The following ANXA3 variants were observed in gnomAD, a reference collection of about 807,000 sequenced individuals.
ANXA3 encodes the protein 35-alpha calcimedin.
Under a neutral mutation model 48.8 loss-of-function variants are expected in ANXA3, and 46 were observed. That is an observed-to-expected ratio of 0.94 (90% CI 0.74 to 1.21). The LOEUF is 1.21. ANXA3 is among the 50% of genes most tolerant of loss of function. The pLI, the probability that ANXA3 is intolerant of heterozygous loss-of-function variation, is 0.00. For missense variants in ANXA3, 383 were observed against 378.6 expected (o/e 1.01, Z -0.10); for synonymous variants, 128 against 134.7 (o/e 0.95, Z 0.35).
chr4:78,582,132 GAAAA>G, intron 4 of ANXA3, 41 bp from the exon 5 acceptor site: 2 of 1,350,070 alleles, frequency 1.5e-6, no homozygotes, highest in East Asian at 2.3e-5. Flanking sequence ...TAGAGAAAGA[GAAAA>G]AAAGTATTTC....
chr4:78,589,760 T>C (rs993295623), intron 6 of ANXA3, among the ~76,000 whole-genome samples: 1 of 152,212 alleles, frequency 6.6e-6, no homozygotes, highest in African/African-American at 2.4e-5. Flanking sequence ...TACAATGGGT[T>C]CAGGAAGTCA....
chr4:78,588,592 G>A (rs1340189089), intron 6 of ANXA3, among the ~76,000 whole-genome samples: 1 of 152,172 alleles, frequency 6.6e-6, no homozygotes, highest in Admixed American at 6.5e-5. Flanking sequence ...GAGGCTTAAG[G>A]AGCAGGAGTT....
At chr4:78,565,310 C>A (rs1179652643) in intron 2 of ANXA3, among the ~76,000 whole-genome samples, 3 of 152,118 alleles carry the variant, frequency 2.0e-5, no homozygotes, top group African/African-American at 7.2e-5. Context: ...GATCCCTTGG[C>A]TGCTATGTGG....
intron 4 of ANXA3, 37 bp downstream of exon 4, chr4:78,579,158 C>T (rs752210769): frequency 4.2e-6 from 6 of 1,428,990 alleles, no homozygotes; most frequent in East Asian, 2.3e-5. Context: ...GTAAAGAGAT[C>T]ATTAATGTAC....
intron 2 of ANXA3, among the ~76,000 whole-genome samples, chr4:78,570,725 C>G (rs2109931087): frequency 1.3e-5 from 2 of 152,298 alleles, no homozygotes; most frequent in African/African-American, 4.8e-5. Flanking sequence ...ATTGCTCACT[C>G]TCATTTATTG....
chr4:78,607,516 T>G (rs1723675772), intron 12 of ANXA3, among the ~76,000 whole-genome samples: 1 of 152,158 alleles, frequency 6.6e-6, no homozygotes, highest in Non-Finnish European at 1.5e-5. Flanking sequence ...AAGAAGATAT[T>G]ATGGAAAATT....
At chr4:78,599,523 C>T (rs1358254613) in intron 10 of ANXA3, among the ~76,000 whole-genome samples, 1 of 152,104 alleles carries the variant, frequency 6.6e-6, no homozygotes, top group East Asian at 1.9e-4. Context: ...AGAACTATTT[C>T]AATAGAGAGA....
chr4:78,570,331 G>A (rs2109930926), intron 2 of ANXA3, among the ~76,000 whole-genome samples: 1 of 152,136 alleles, frequency 6.6e-6, no homozygotes, highest in East Asian at 1.9e-4. Flanking sequence ...GGTGGTAAAG[G>A]CCAGTGAAAA....
At chr4:78,579,768 A>C (rs953181221) in intron 4 of ANXA3, among the ~76,000 whole-genome samples, 1 of 152,128 alleles carries the variant, frequency 6.6e-6, no homozygotes, top group Non-Finnish European at 1.5e-5. Context: ...ATTTCTACTA[A>C]AAATACTGAA....
At chr4:78,593,113 CCACACACACACACACA>C (rs59972919) in intron 7 of ANXA3, among the ~76,000 whole-genome samples, 2 of 144,030 alleles carry the variant, frequency 1.4e-5, no homozygotes, top group East Asian at 2.0e-4. Context: ...AACACACATA[CCACACACACACACACA>C]CACACACACA....
chr4:78,582,762 T>A (rs1381331829), intron 5 of ANXA3, among the ~76,000 whole-genome samples: 5 of 152,212 alleles, frequency 3.3e-5, no homozygotes, highest in Non-Finnish European at 7.3e-5. Context: ...TCAATAGGCT[T>A]CTAACTGGTC....
At chr4:78,561,513 C>A (rs1201267927) in intron 2 of ANXA3, among the ~76,000 whole-genome samples, 1 of 152,082 alleles carries the variant, frequency 6.6e-6, no homozygotes, top group Non-Finnish European at 1.5e-5. Context: ...TTTCATACTC[C>A]TTGCTTTGAC....
chr4:78,606,588 G>A (rs1723652725), intron 12 of ANXA3, among the ~76,000 whole-genome samples: 1 of 152,096 alleles, frequency 6.6e-6, no homozygotes. Context: ...ACCCACAATA[G>A]CCACCCTTGA....
At chr4:78,582,994 C>A (rs190844743) in intron 5 of ANXA3, among the ~76,000 whole-genome samples, 1 of 152,122 alleles carries the variant, frequency 6.6e-6, no homozygotes, top group Non-Finnish European at 1.5e-5. Context: ...TTATATCAGT[C>A]AGGGTTCCCT....
intron 7 of ANXA3, among the ~76,000 whole-genome samples, 167 bp downstream of exon 7, chr4:78,591,790 A>C (rs1241284301): frequency 6.6e-6 from 1 of 152,268 alleles, no homozygotes; most frequent in Non-Finnish European, 1.5e-5. Context: ...ATAATGTTTA[A>C]CCAAGATCAT....
chr4:78,605,053 G>A (rs1032042627), intron 12 of ANXA3, among the ~76,000 whole-genome samples: 3 of 152,214 alleles, frequency 2.0e-5, no homozygotes, highest in African/African-American at 7.2e-5. Flanking sequence ...ATTCCATTTT[G>A]CAATTCCATG....
chr4:78,569,305 A>T (rs1722792348), intron 2 of ANXA3, among the ~76,000 whole-genome samples: 1 of 152,222 alleles, frequency 6.6e-6, no homozygotes, highest in African/African-American at 2.4e-5. Flanking sequence ...TATTCAGGTG[A>T]TGTTCTACGC....
chr4:78,559,998 G>A (rs1329554163), intron 2 of ANXA3, among the ~76,000 whole-genome samples: 1 of 151,944 alleles, frequency 6.6e-6, no homozygotes, highest in African/African-American at 2.4e-5. Flanking sequence ...CTATTTCCTG[G>A]GCCTGATTTT....
intron 2 of ANXA3, among the ~76,000 whole-genome samples, chr4:78,568,337 T>C (rs1359467226): frequency 1.3e-5 from 2 of 152,230 alleles, no homozygotes; most frequent in Admixed American, 6.5e-5. Flanking sequence ...CCATTTTTCC[T>C]TGTATCATAA....
Sources: gnomAD v4.1 joint callset for allele counts (sites outside exome capture counted in the v4.1 genomes callset) on GRCh38, gnomAD v4.1.1 for gene constraint, MANE v1.5 for transcripts, NCBI Gene and HGNC (gene_info 2026-07-23, HGNC 2026-07-21) for gene names.